NFIB: variants seen among roughly 807,000 people sequenced by gnomAD.
NFIB encodes the protein nuclear factor 1 B-type.
NFIB carries 11 observed loss-of-function variants against 61.5 expected under a neutral mutation model. That is an observed-to-expected ratio of 0.18 (90% CI 0.11 to 0.30). NFIB has a LOEUF of 0.30. Ranked by LOEUF, NFIB falls within the 10% of genes least tolerant of loss-of-function variation. The pLI is 1.00. For missense variants in NFIB, 471 were observed against 608.9 expected (o/e 0.77, Z 2.38); for synonymous variants, 260 against 216.5 (o/e 1.20, Z -1.76).
intron 1 of NFIB, among the ~76,000 whole-genome samples, chr9:14,342,770 C>T (rs1175878384): frequency 6.6e-6 from 1 of 152,138 alleles, no homozygotes; most frequent in Non-Finnish European, 1.5e-5. Flanking sequence ...AATATGCATC[C>T]ATATACACAT....
the NFIB span, among the ~76,000 whole-genome samples, chr9:14,491,335 G>A: frequency 6.6e-6 from 1 of 152,138 alleles, no homozygotes; most frequent in African/African-American, 2.4e-5. Flanking sequence ...AGATGGTGAA[G>A]GTACAAGGGA....
At chr9:14,266,030 G>A (rs1264862909) in intron 2 of NFIB, among the ~76,000 whole-genome samples, 1 of 152,122 alleles carries the variant, frequency 6.6e-6, no homozygotes. Context: ...AGGATGTTTG[G>A]TGTGATGACA....
chr9:14,314,180 G>C (rs888836767), upstream of NFIB: 2 of 894,436 alleles, frequency 2.2e-6, no homozygotes, highest in South Asian at 1.1e-4. Flanking sequence ...GGGCCGGGGT[G>C]GGGGCGGGGT....
chr9:14,300,043 C>T (rs1324243938), intron 2 of NFIB: 5 of 395,070 alleles, frequency 1.3e-5, no homozygotes, highest in African/African-American at 2.1e-5. Flanking sequence ...CTTACTACAA[C>T]GCACTTAGTT....
intron 2 of NFIB, among the ~76,000 whole-genome samples, chr9:14,289,139 T>TATATAC (rs1554703246): frequency 1.4e-5 from 2 of 143,730 alleles, no homozygotes; most frequent in African/African-American, 5.1e-5. Context: ...TATATATATA[T>TATATAC]ACATATATAT....
In NFIB at chr9:14,313,093, T is replaced by A. The variant is rs113992353; in HGVS notation, c.30+389A>T. ...AAAAGCTTAGTCCCCCGTAAAGTCCTCCAAAGCCCGAGTCCACCTCAACGC... is the reference window on the plus strand; with the variant it reads ...AAAAGCTTAGTCCCCCGTAAAGTCCACCAAAGCCCGAGTCCACCTCAACGC... On this transcript the variant is annotated intron_variant, in intron 1 of 10. Transcript: ENST00000380953. This position sits in a 1 kb window ranked among gnomAD's most constrained non-coding sequence, Gnocchi z 4.5. Among the ~76,000 whole-genome samples the A allele has an allele frequency of 4.1e-3, 620 of 152,166 alleles. 4 individuals are homozygous for A. The highest frequency in any genetic ancestry group is 6.7e-3 in the Non-Finnish European group (459 of 68,006).
intron 3 of NFIB, among the ~76,000 whole-genome samples, chr9:14,157,630 G>A (rs939797157): frequency 1.3e-5 from 2 of 152,064 alleles, no homozygotes; most frequent in African/African-American, 2.4e-5. Context: ...AGTAATTATT[G>A]AGAAACTTCT....
At chr9:14,437,685 C>T in the NFIB span, among the ~76,000 whole-genome samples, 18 of 152,100 alleles carry the variant, frequency 1.2e-4, no homozygotes, top group African/African-American at 3.4e-4. Flanking sequence ...GGCCCGGGAC[C>T]GGAGGGGGTC....
intron 2 of NFIB, among the ~76,000 whole-genome samples, chr9:14,267,567 C>T (rs1215627720): frequency 1.3e-5 from 2 of 152,202 alleles, no homozygotes; most frequent in Non-Finnish European, 1.5e-5. Context: ...ACAAAGACCC[C>T]CATACCCCAT....
rs563569592 is a variant in NFIB, at chr9:14,307,746, C to T, written c.31-226G>A. The stretch of plus-strand genomic sequence containing the variant: ...ACCAAAATTCACAGGTCAATTCTCC[C>T]TCCTATAAAGGAAATAAGGTTTATA... On this transcript the variant is annotated intron_variant, in intron 1 of 10. Coordinates refer to ENST00000380953, the MANE Select transcript of NFIB (RefSeq NM_001190737.2). This position sits in a 1 kb window ranked among gnomAD's most constrained non-coding sequence, Gnocchi z 5.3. Among the ~76,000 whole-genome samples, 6 of 152,246 alleles carry T rather than the reference C, an allele frequency of 3.9e-5. No individual in the cohort carries two copies. The East Asian group carries it at 1.2e-3, about 29-fold the overall frequency.
chr9:14,279,534 C>T (rs972152787), intron 2 of NFIB, among the ~76,000 whole-genome samples: 1 of 152,144 alleles, frequency 6.6e-6, no homozygotes, highest in African/African-American at 2.4e-5. Flanking sequence ...AAGAAAGACC[C>T]TCAAGGCAAC....
intron 2 of NFIB, among the ~76,000 whole-genome samples, chr9:14,229,087 C>G: frequency 6.6e-6 from 1 of 150,978 alleles, no homozygotes; most frequent in East Asian, 1.9e-4. Flanking sequence ...AAAAGAAGTG[C>G]CCTAAATATC....
chr9:14,231,547 A>G (rs1397428927), intron 2 of NFIB, among the ~76,000 whole-genome samples: 1 of 152,200 alleles, frequency 6.6e-6, no homozygotes, highest in Non-Finnish European at 1.5e-5. Flanking sequence ...AGTGCTAAGT[A>G]AAAATTATTT....
intron 9 of NFIB, among the ~76,000 whole-genome samples, chr9:14,114,219 A>C (rs775521640): frequency 1.3e-5 from 2 of 152,204 alleles, no homozygotes. Context: ...CTCACAATTC[A>C]TATTTTAATT....
chr9:14,207,479 C>T (rs1421158382), intron 2 of NFIB, among the ~76,000 whole-genome samples: 1 of 152,218 alleles, frequency 6.6e-6, no homozygotes, highest in Non-Finnish European at 1.5e-5. Context: ...GACCAGAAAA[C>T]CCCTTTTGCC....
chr9:14,181,559 T>C (rs2046777554), intron 2 of NFIB, among the ~76,000 whole-genome samples: 1 of 152,246 alleles, frequency 6.6e-6, no homozygotes. Flanking sequence ...TATGGGCCAC[T>C]TTCCAGGCCT....
upstream of NFIB, among the ~76,000 whole-genome samples, chr9:14,399,212 C>A (rs931348572): frequency 6.6e-6 from 1 of 152,112 alleles, no homozygotes; most frequent in African/African-American, 2.4e-5. Flanking sequence ...AATGTGGCAA[C>A]CAGAAAATTT....
the NFIB span, among the ~76,000 whole-genome samples, chr9:14,502,427 G>C: frequency 2.0e-5 from 3 of 152,180 alleles, no homozygotes; most frequent in African/African-American, 7.2e-5. Context: ...AGAAGATTAA[G>C]AATCTGGCCA....
intron 3 of NFIB, among the ~76,000 whole-genome samples, chr9:14,166,395 G>GT (rs35953198): frequency 6.6e-6 from 1 of 152,094 alleles, no homozygotes; most frequent in Non-Finnish European, 1.5e-5. Flanking sequence ...GAAAAACAAT[G>GT]TTTTTTCCAT....
Sources: gnomAD v4.1 joint callset for allele counts (sites outside exome capture counted in the v4.1 genomes callset) on GRCh38, gnomAD v4.1.1 for gene constraint, Gnocchi (gnomAD v3.1) non-coding constraint, MANE v1.5 for transcripts, NCBI Gene and HGNC (gene_info 2026-07-23, HGNC 2026-07-21) for gene names.